The following KCNB2 variants were observed in gnomAD, a reference collection of about 807,000 sequenced individuals.
KCNB2 encodes the protein potassium voltage-gated channel subfamily B member 2.
In KCNB2, 15 loss-of-function variants were observed where a neutral mutation model predicts 61.5. That is an observed-to-expected ratio of 0.24 (90% CI 0.16 to 0.38). KCNB2 has a LOEUF of 0.38. Ranked by LOEUF, KCNB2 falls within the 10% of genes least tolerant of loss-of-function variation. The pLI, the probability that KCNB2 is intolerant of heterozygous loss-of-function variation, is 1.00. For synonymous variants in KCNB2, 457 were observed against 446.0 expected (o/e 1.02, Z -0.31); for missense variants, 828 against 1,125.2 (o/e 0.74, Z 3.78).
chr8:72,729,391 A>T (rs1407094135), intron 2 of KCNB2, among the ~76,000 whole-genome samples: 1 of 152,162 alleles, frequency 6.6e-6, no homozygotes, highest in Non-Finnish European at 1.5e-5. Context: ...TTAAATGCAA[A>T]CTCACAGGGA....
intron 2 of KCNB2, among the ~76,000 whole-genome samples, chr8:72,591,489 G>A (rs962673985): frequency 1.3e-5 from 2 of 152,082 alleles, no homozygotes; most frequent in African/African-American, 4.8e-5. Context: ...TATCTACTAT[G>A]GGAGTGAAAT....
At chr8:72,579,498 T>C (rs2128980211) in intron 2 of KCNB2, among the ~76,000 whole-genome samples, 1 of 152,324 alleles carries the variant, frequency 6.6e-6, no homozygotes. Context: ...TGTCAACTCT[T>C]TAAAATCAGC....
chr8:72,635,611 T>C (rs1805953128), intron 2 of KCNB2, among the ~76,000 whole-genome samples: 1 of 152,312 alleles, frequency 6.6e-6, no homozygotes, highest in Admixed American at 6.5e-5. Flanking sequence ...CCTCTAGTAT[T>C]GTCAGGGACA....
At chr8:72,773,326 GTTGAGT>G (rs1808592097) in intron 2 of KCNB2, among the ~76,000 whole-genome samples, 1 of 152,130 alleles carries the variant, frequency 6.6e-6, no homozygotes, top group Non-Finnish European at 1.5e-5. Context: ...GTGAAAACAG[GTTGAGT>G]TTTTTTTAAG....
intron 2 of KCNB2, among the ~76,000 whole-genome samples, chr8:72,819,860 CAAAT>C (rs925883353): frequency 4.6e-5 from 7 of 152,262 alleles, no homozygotes; most frequent in Non-Finnish European, 8.8e-5. Context: ...CCACTGCTAT[CAAAT>C]AAAGTGCAAA....
chr8:72,682,576 G>A (rs1316839325), intron 2 of KCNB2, among the ~76,000 whole-genome samples: 20 of 149,160 alleles, frequency 1.3e-4, no homozygotes, highest in African/African-American at 4.7e-4. Flanking sequence ...GGAAGTCATG[G>A]ACACTAAAGT....
At chr8:72,556,276 C>T (rs1431661) in intron 1 of KCNB2, among the ~76,000 whole-genome samples, 5,086 of 152,158 alleles carry the variant, frequency 0.033, 119 homozygotes, top group South Asian at 0.09. Flanking sequence ...TTCATAGATG[C>T]TAGTAGGTCA....
intron 2 of KCNB2, among the ~76,000 whole-genome samples, chr8:72,601,977 G>C (rs952139299): frequency 6.6e-6 from 1 of 152,130 alleles, no homozygotes; most frequent in South Asian, 2.1e-4. Context: ...ACTCAAGTTT[G>C]GTCAGCAATC....
chr8:72,716,356 C>G (rs1223746263), intron 2 of KCNB2, among the ~76,000 whole-genome samples: 1 of 151,714 alleles, frequency 6.6e-6, no homozygotes, highest in Non-Finnish European at 1.5e-5. Context: ...AGAGACACGA[C>G]AAAAAAAGAG....
At chr8:72,821,659 A>AAAAAAAAATC (rs1554535735) in intron 2 of KCNB2, among the ~76,000 whole-genome samples, 1 of 117,006 alleles carries the variant, frequency 8.5e-6, no homozygotes, top group African/African-American at 3.2e-5. Context: ...AAAAAAAAAA[A>AAAAAAAAATC]ACACACACAC....
At chr8:72,727,944 A>C (rs974222391) in intron 2 of KCNB2, among the ~76,000 whole-genome samples, 1 of 151,974 alleles carries the variant, frequency 6.6e-6, no homozygotes, top group African/African-American at 2.4e-5. Flanking sequence ...TATAGACTTT[A>C]TTTGACTACC....
At chr8:72,907,719 A>ACT (rs1388537285) in intron 2 of KCNB2, among the ~76,000 whole-genome samples, 3 of 151,888 alleles carry the variant, frequency 2.0e-5, no homozygotes, top group Non-Finnish European at 2.9e-5. Flanking sequence ...AGCATCAGTA[A>ACT]CTCTCTCTCT....
rs147873468 is a variant in KCNB2, at chr8:72,616,123, C to T, written c.579+47810C>T. Among the ~76,000 whole-genome samples the T allele has an allele frequency of 5.9e-5, 9 of 152,272 alleles. No homozygotes were observed. In the East Asian group the frequency reaches 1.7e-3, roughly 29 times the overall value. ...AAGGTTCTCAATCATGTCACCTTTT[C>T]TCGCTTAGGTTTTAAGTCGAAGGAT... On this transcript the variant is annotated intron_variant, in intron 2 of 2. Coordinates refer to ENST00000523207, the MANE Select transcript of KCNB2 (RefSeq NM_004770.3).
intron 1 of KCNB2, among the ~76,000 whole-genome samples, chr8:72,562,281 CT>C (rs1475000420): frequency 6.6e-6 from 1 of 152,150 alleles, no homozygotes; most frequent in Non-Finnish European, 1.5e-5. Flanking sequence ...GTAAACCCCA[CT>C]CCCCCTCCAA....
chr8:72,801,126 A>T (rs1809118717), intron 2 of KCNB2, among the ~76,000 whole-genome samples: 1 of 152,156 alleles, frequency 6.6e-6, no homozygotes, highest in African/African-American at 2.4e-5. Flanking sequence ...CCCCTGTTAG[A>T]CCTTGAGAGG....
At chr8:72,710,405 C>T (rs1807306038) in intron 2 of KCNB2, among the ~76,000 whole-genome samples, 1 of 152,078 alleles carries the variant, frequency 6.6e-6, no homozygotes, top group South Asian at 2.1e-4. Flanking sequence ...AATACTTCAA[C>T]TAAAGACACC....
At chr8:72,763,401 A>C (rs1053239963) in intron 2 of KCNB2, among the ~76,000 whole-genome samples, 1 of 152,064 alleles carries the variant, frequency 6.6e-6, no homozygotes, top group Non-Finnish European at 1.5e-5. Flanking sequence ...ATTTTTTGCT[A>C]TCTCTGGCTA....
At chr8:72,843,925 A>G (rs1406381656) in intron 2 of KCNB2, among the ~76,000 whole-genome samples, 1 of 152,192 alleles carries the variant, frequency 6.6e-6, no homozygotes, top group Non-Finnish European at 1.5e-5. Flanking sequence ...TGGGGCATTT[A>G]GCCCATTTAT....
intron 2 of KCNB2, among the ~76,000 whole-genome samples, chr8:72,725,601 A>ATATACGTATGTGTG (rs1807634430): frequency 1.0e-5 from 1 of 100,250 alleles, no homozygotes; most frequent in Non-Finnish European, 2.1e-5. Flanking sequence ...GTATATATAT[A>ATATACGTATGTGTG]TATATATATA....
Sources: gnomAD v4.1 joint callset for allele counts (sites outside exome capture counted in the v4.1 genomes callset) on GRCh38, gnomAD v4.1.1 for gene constraint, MANE v1.5 for transcripts, NCBI Gene and HGNC (gene_info 2026-07-23, HGNC 2026-07-21) for gene names.